GALNT13: variants seen among roughly 807,000 people sequenced by gnomAD.
GALNT13 encodes polypeptide N-acetylgalactosaminyltransferase 13.
GALNT13 carries 28 observed loss-of-function variants against 64.2 expected under a neutral mutation model. The observed-to-expected ratio is 0.44, with a 90% CI of 0.32 to 0.60. The LOEUF is 0.60. Among genes scored for constraint, GALNT13 ranks in the 20% least tolerant of loss-of-function variants. GALNT13 has a pLI of 0.05. For missense variants in GALNT13, 577 were observed against 669.8 expected (o/e 0.86, Z 1.53); for synonymous variants, 214 against 224.6 (o/e 0.95, Z 0.42).
At chr2:154,405,741 G>C (rs1011898344) in intron 10 of GALNT13, among the ~76,000 whole-genome samples, 1 of 151,790 alleles carries the variant, frequency 6.6e-6, no homozygotes, top group South Asian at 2.1e-4. Flanking sequence ...CTATAATTCC[G>C]GGAAACTTTT....
At chr2:153,094,464 AAGGTAATTT>A in the GALNT13 span, among the ~76,000 whole-genome samples, 2 of 152,338 alleles carry the variant, frequency 1.3e-5, no homozygotes, top group Non-Finnish European at 2.9e-5. Context: ...CATACTGCCC[AAGGTAATTT>A]AGAGATTCAA....
chr2:153,638,137 T>A, the GALNT13 span, among the ~76,000 whole-genome samples: 1 of 152,132 alleles, frequency 6.6e-6, no homozygotes, highest in African/African-American at 2.4e-5. Context: ...ATAATGTATG[T>A]TTGGGGTGGC....
the GALNT13 span, among the ~76,000 whole-genome samples, chr2:153,458,135 T>C: frequency 2.1e-4 from 32 of 152,264 alleles, 1 homozygote; most frequent in East Asian, 5.0e-3. Flanking sequence ...TTATTCTCCA[T>C]GGAGGGAAAG....
chr2:154,239,850 A>G (rs576990200), intron 4 of GALNT13, among the ~76,000 whole-genome samples: 9 of 152,206 alleles, frequency 5.9e-5, no homozygotes, highest in Admixed American at 2.0e-4. Flanking sequence ...TTTAAAAAAT[A>G]ATGAAGATCT....
At chr2:154,099,136 A>G (rs1397121968) in intron 3 of GALNT13, among the ~76,000 whole-genome samples, 1 of 151,882 alleles carries the variant, frequency 6.6e-6, no homozygotes, top group African/African-American at 2.4e-5. Flanking sequence ...TATGTATTTT[A>G]TTGTGGTTTT....
At chr2:154,316,109 A>T (rs989269673) in intron 9 of GALNT13, among the ~76,000 whole-genome samples, 1 of 152,162 alleles carries the variant, frequency 6.6e-6, no homozygotes, top group African/African-American at 2.4e-5. Flanking sequence ...AAAAAAATTT[A>T]AAAATCAAAC....
At chr2:153,903,171 C>T (rs568856778) in intron 2 of GALNT13, among the ~76,000 whole-genome samples, 1 of 151,734 alleles carries the variant, frequency 6.6e-6, no homozygotes, top group Non-Finnish European at 1.5e-5. Context: ...TTATAAGTTA[C>T]GATAGTAAAC....
chr2:154,349,167 C>G (rs1696245437), intron 9 of GALNT13, among the ~76,000 whole-genome samples: 1 of 152,000 alleles, frequency 6.6e-6, no homozygotes, highest in African/African-American at 2.4e-5. Flanking sequence ...ACGTATAATC[C>G]AAGGAGAGAG....
At chr2:153,630,513 G>T in the GALNT13 span, among the ~76,000 whole-genome samples, 1 of 74,904 alleles carries the variant, frequency 1.3e-5, no homozygotes, top group Non-Finnish European at 2.4e-5. Flanking sequence ...TGGGGGGAGG[G>T]GGGAGGGATA....
intron 2 of GALNT13, among the ~76,000 whole-genome samples, 169 bp from the exon 3 acceptor site, chr2:153,944,225 C>T (rs1258287064): frequency 6.6e-6 from 1 of 152,100 alleles, no homozygotes. Context: ...TGTTAGCCAA[C>T]TAGCTTGCTA....
the GALNT13 span, among the ~76,000 whole-genome samples, chr2:153,338,764 A>G: frequency 2.6e-5 from 4 of 152,218 alleles, no homozygotes; most frequent in Non-Finnish European, 4.4e-5. Flanking sequence ...CCTTTGACCA[A>G]CATCTCCTTA....
chr2:154,128,515 G>A (rs1006887440), intron 3 of GALNT13, among the ~76,000 whole-genome samples: 2 of 152,028 alleles, frequency 1.3e-5, no homozygotes, highest in Admixed American at 1.3e-4. Context: ...GCAAAACCCA[G>A]TGTAAATTAA....
intron 9 of GALNT13, among the ~76,000 whole-genome samples, chr2:154,363,544 A>G (rs1044105763): frequency 2.0e-5 from 3 of 152,204 alleles, no homozygotes; most frequent in South Asian, 2.1e-4. Context: ...CATTATGGTG[A>G]TGAAAGAAAA....
rs140742525 is a variant in GALNT13, at chr2:154,218,860, A to T, written c.312-23170A>T. Among the ~76,000 whole-genome samples the T allele has an allele frequency of 2.3e-3, 349 of 152,098 alleles. 8 individuals are homozygous for T. In the East Asian group the frequency reaches 0.055, roughly 24 times the overall value. On this transcript the variant is annotated intron_variant, in intron 4 of 12. Transcript: ENST00000392825. ...TTTCCATTATCTGTCTAAACATTTG[A>T]CTAATTCCAGAGCTTCAAAGTCAAA...
At chr2:153,491,838 C>T in the GALNT13 span, among the ~76,000 whole-genome samples, 27 of 151,920 alleles carry the variant, frequency 1.8e-4, no homozygotes, top group Admixed American at 4.6e-4. Context: ...AGGCTGGACT[C>T]GAACTCCTGC....
At chr2:153,774,362 A>T in the GALNT13 span, among the ~76,000 whole-genome samples, 1 of 152,030 alleles carries the variant, frequency 6.6e-6, no homozygotes, top group African/African-American at 2.4e-5. Flanking sequence ...TGTACAAATT[A>T]ATTTTGTAAT....
chr2:153,605,070 A>G, the GALNT13 span, among the ~76,000 whole-genome samples: 1 of 152,056 alleles, frequency 6.6e-6, no homozygotes, highest in East Asian at 1.9e-4. Context: ...CCAGTTTGAC[A>G]ACTTTCTGAC....
At chr2:153,232,661 A>G in the GALNT13 span, among the ~76,000 whole-genome samples, 12 of 152,366 alleles carry the variant, frequency 7.9e-5, no homozygotes, top group Admixed American at 2.0e-4. Flanking sequence ...AAAGGCCTGA[A>G]GGTAGTAACT....
At chr2:154,010,778 C>T (rs1328290447) in intron 3 of GALNT13, among the ~76,000 whole-genome samples, 1 of 151,954 alleles carries the variant, frequency 6.6e-6, no homozygotes, top group Non-Finnish European at 1.5e-5. Context: ...TATTATTGAT[C>T]TCTTCAGGGT....
Sources: allele counts gnomAD v4.1 joint callset (sites outside exome capture counted in the v4.1 genomes callset), GRCh38; gene constraint gnomAD v4.1.1; transcripts MANE v1.5; gene names NCBI Gene and HGNC (gene_info 2026-07-23, HGNC 2026-07-21).